The following CDK19 variants were observed in gnomAD, a reference collection of about 807,000 sequenced individuals.
CDK19 encodes cyclin dependent kinase 19, also known as cyclin-dependent kinase 19.
CDK19 carries 20 observed loss-of-function variants against 68.3 expected under a neutral mutation model. The observed-to-expected ratio is 0.29, with a 90% confidence interval of 0.21 to 0.43. The LOEUF (loss-of-function observed/expected upper bound fraction) is 0.43, where lower values mean the gene tolerates loss of function less well. Ranked by LOEUF, CDK19 falls within the 20% of genes least tolerant of loss-of-function variation. The pLI, the probability that CDK19 is intolerant of heterozygous loss-of-function variation, is 1.00. For synonymous variants in CDK19, 221 were observed against 222.8 expected (o/e 0.99, Z 0.07); for missense variants, 339 against 623.5 (o/e 0.54, Z 4.86).
intron 1 of CDK19, chr6:110,813,247 C>G (rs1267866650): frequency 6.6e-6 from 1 of 151,954 alleles, no homozygotes; most frequent in African/African-American, 2.4e-5. Context: ...TAAGCCCATA[C>G]TATTCAAATA....
intron 5 of CDK19, among the ~76,000 whole-genome samples, chr6:110,633,309 G>A (rs993805367): frequency 2.6e-5 from 4 of 152,160 alleles, no homozygotes; most frequent in African/African-American, 9.7e-5. Context: ...AGTGTGTGCT[G>A]CAGCCAGATC....
chr6:110,647,193 C>A (rs541028486), intron 4 of CDK19, among the ~76,000 whole-genome samples: 1 of 152,278 alleles, frequency 6.6e-6, no homozygotes, highest in East Asian at 1.9e-4. Flanking sequence ...GGGGTCCGGC[C>A]GGCCAGTAAC....
At chr6:110,665,391 G>C (rs1781861516) in intron 4 of CDK19, among the ~76,000 whole-genome samples, 3 of 152,182 alleles carry the variant, frequency 2.0e-5, no homozygotes. Context: ...GCTAGGAAGA[G>C]GGTGGTGCCA....
chr6:110,663,353 T>C (rs1183757764), intron 4 of CDK19, among the ~76,000 whole-genome samples: 3 of 152,238 alleles, frequency 2.0e-5, no homozygotes, highest in South Asian at 2.1e-4. Flanking sequence ...TCATATTTCA[T>C]ATACTTTATA....
At position 110,814,863 on chromosome 6, in the gene CDK19, C is replaced by G. The variant is rs1304292132; in HGVS notation, c.128+146G>C. ...GGAGGCGGGCGGAACGGGCGCCCCTCGGAGTCGGTGTCCGGACGCAACCCC... is the reference window on the plus strand; with the variant it reads ...GGAGGCGGGCGGAACGGGCGCCCCTGGGAGTCGGTGTCCGGACGCAACCCC... On this transcript the variant is annotated intron_variant, in intron 1 of 12. Coordinates refer to ENST00000368911, the MANE Select transcript of CDK19 (RefSeq NM_015076.5). The G allele has an allele frequency of 5.7e-6, 6 of 1,061,460 alleles. No individual in the cohort carries two copies. The East Asian group carries it at 1.7e-4, about 30-fold the overall frequency. The allele number at this position is 1,061,460 out of a possible 1,614,324, so 65.8% of individuals were successfully genotyped here.
intron 1 of CDK19, among the ~76,000 whole-genome samples, chr6:110,811,725 T>C (rs1783115589): frequency 6.6e-6 from 1 of 152,306 alleles, no homozygotes; most frequent in East Asian, 1.9e-4. Flanking sequence ...TATTCTGAAC[T>C]TGTTTCTCTT....
At chr6:110,672,959 CTAGA>C (rs149295448) in intron 2 of CDK19, among the ~76,000 whole-genome samples, 6,239 of 151,894 alleles carry the variant, frequency 0.041, 157 homozygotes, top group South Asian at 0.083. Context: ...TTTAAGTATA[CTAGA>C]TATACTTAGT....
intron 1 of CDK19, among the ~76,000 whole-genome samples, chr6:110,789,714 T>C (rs1202719130): frequency 1.3e-5 from 2 of 152,214 alleles, no homozygotes; most frequent in African/African-American, 4.8e-5. Flanking sequence ...CTGGCCAAAT[T>C]TTAACTTTTT....
At chr6:110,779,976 T>C (rs1004026784) in intron 1 of CDK19, among the ~76,000 whole-genome samples, 1 of 151,982 alleles carries the variant, frequency 6.6e-6, no homozygotes, top group African/African-American at 2.4e-5. Flanking sequence ...TCCCAGCACT[T>C]CAGGAGGCCG....
intron 4 of CDK19, among the ~76,000 whole-genome samples, chr6:110,653,807 A>T (rs535464714): frequency 1.4e-4 from 22 of 152,300 alleles, no homozygotes; most frequent in African/African-American, 5.1e-4. Context: ...CTTAACATGT[A>T]CTCCAGATTT....
chr6:110,698,213 G>A (rs1205174268), intron 2 of CDK19, among the ~76,000 whole-genome samples: 15 of 151,676 alleles, frequency 9.9e-5, no homozygotes, highest in African/African-American at 3.4e-4. Context: ...AAATAATCAC[G>A]AGTAAACAAC....
intron 1 of CDK19, among the ~76,000 whole-genome samples, chr6:110,763,413 T>C (rs527496538): frequency 3.1e-4 from 44 of 142,846 alleles, no homozygotes; most frequent in Middle Eastern, 7.3e-3. Flanking sequence ...ACTCTTATTA[T>C]GTTTTTTTTT....
intron 4 of CDK19, among the ~76,000 whole-genome samples, chr6:110,639,845 T>C (rs139590399): frequency 1.4e-4 from 22 of 152,232 alleles, no homozygotes; most frequent in African/African-American, 4.8e-4. Flanking sequence ...GGAACCATCA[T>C]GGCAGAGTAG....
rs978429358 is a variant in CDK19 at position 110,773,205 on chromosome 6, C to T, written c.129-27004G>A. ...AATAAAAATACAAAAATTAGCTGGG[C>T]GTGATGGTGCGTGTCTGTAGTTCCA... is the stretch of plus-strand genomic sequence containing the variant. On this transcript the variant is annotated intron_variant, in intron 1 of 12. Coordinates refer to ENST00000368911, the MANE Select transcript of CDK19 (RefSeq NM_015076.5). Among the ~76,000 whole-genome samples, 4 of 151,878 alleles carry T rather than the reference C, an allele frequency of 2.6e-5. No homozygotes were observed. The East Asian group carries it at 5.8e-4, about 22-fold the overall frequency.
Position 110,750,067 on chromosome 6 carries a change from GCCAAATGATCACACCATTAA to G in CDK19, c.129-3886_129-3867del, listed in dbSNP as rs907755414. 7.5e-5 allele frequency among the ~76,000 whole-genome samples: 11 copies of G among 145,796 alleles called. 2 individuals are homozygous for G. The highest frequency in any genetic ancestry group is 2.8e-4 in the African/African-American group (11 of 39,946). On this transcript the variant is annotated intron_variant, in intron 1 of 12. Coordinates refer to ENST00000368911, the MANE Select transcript of CDK19 (RefSeq NM_015076.5). Reference sequence around the variant, plus strand: ...TTATAGGCGTGAGCCACTGCGCCCAGCCAAATGATCACACCATTAACCAAAGAAATGATGACATGACCTAA... The same window carrying G: ...TTATAGGCGTGAGCCACTGCGCCCAGCCAAAGAAATGATGACATGACCTAA...
chr6:110,685,123 GCGAA>G (rs1392515231), intron 2 of CDK19, among the ~76,000 whole-genome samples: 1 of 152,078 alleles, frequency 6.6e-6, no homozygotes, highest in Non-Finnish European at 1.5e-5. Flanking sequence ...GGGCGACACA[GCGAA>G]ACTCTGTCTC....
chr6:110,709,551 T>G (rs1188931444), intron 2 of CDK19, among the ~76,000 whole-genome samples: 1 of 150,840 alleles, frequency 6.6e-6, no homozygotes, highest in Admixed American at 6.6e-5. Context: ...AGGGTCACAA[T>G]GTAATAAGCA....
intron 1 of CDK19, among the ~76,000 whole-genome samples, chr6:110,752,761 T>C (rs929799820): frequency 6.6e-6 from 1 of 151,702 alleles, no homozygotes; most frequent in Non-Finnish European, 1.5e-5. Context: ...GGAGACAGGG[T>C]CTCACTATGT....
intron 4 of CDK19, among the ~76,000 whole-genome samples, chr6:110,641,431 T>C (rs1026314982): frequency 1.3e-5 from 2 of 151,314 alleles, no homozygotes. Flanking sequence ...ACCCCATCTC[T>C]ACTAAAAATA....
Sources: allele counts gnomAD v4.1 joint callset (sites outside exome capture counted in the v4.1 genomes callset), GRCh38; gene constraint gnomAD v4.1.1; transcripts MANE v1.5; gene names NCBI Gene and HGNC (gene_info 2026-07-23, HGNC 2026-07-21).